The following C12orf56 variants were observed in gnomAD, a reference collection of about 807,000 sequenced individuals.
The protein encoded by C12orf56 is chromosome 12 open reading frame 56, also known as uncharacterized protein C12orf56.
In C12orf56, 71 loss-of-function variants were observed where a neutral mutation model predicts 69.9. The ratio of observed to expected loss-of-function variants is 1.02; its 90% CI spans 0.84 to 1.24. The LOEUF (loss-of-function observed/expected upper bound fraction) is 1.24. Ranked by LOEUF, C12orf56 falls within the 50% of genes most tolerant of loss-of-function variation. C12orf56 has a pLI of 0.00. For synonymous variants in C12orf56, 276 were observed against 274.1 expected (o/e 1.01, Z -0.07); for missense variants, 732 against 738.5 (o/e 0.99, Z 0.10).
rs1274710306 is a variant in C12orf56, at chr12:64,286,037, T to C, written c.1137A>G (p.Ile379Met). ...GCAAGTACTCATGAAGTTTGTTTAC[T>C]ATGAAATAGAAAAGGTCACTGGTCT... Reference protein sequence around the residue: ...FWKTSDLFYFIVNKLHEYLPE... With the variant: ...FWKTSDLFYFMVNKLHEYLPE... The change falls in exon 7 of 13, where the codon ATA (isoleucine) becomes ATG (methionine). Residue 379 changes from isoleucine to methionine, a missense_variant. Transcript: ENST00000543942. The C allele has an allele frequency of 6.2e-7, 1 of 1,606,628 alleles. No individual in the cohort carries two copies. The highest frequency in any genetic ancestry group is 1.1e-5 in the South Asian group (1 of 90,130).
At chr12:64,295,387 G>A (rs192977422) in intron 6 of C12orf56, among the ~76,000 whole-genome samples, 124 of 152,230 alleles carry the variant, frequency 8.1e-4, no homozygotes, top group African/African-American at 2.9e-3. Context: ...CTCAGCCTGT[G>A]TAATCTCACA....
intron 12 of C12orf56, 112 bp downstream of exon 12, chr12:64,270,424 G>T: frequency 1.0e-6 from 1 of 988,730 alleles, no homozygotes; most frequent in Admixed American, 3.4e-5. Flanking sequence ...AAACAAAAAA[G>T]AATTCCTGAT....
chr12:64,328,726 T>G (rs56070736), intron 3 of C12orf56, among the ~76,000 whole-genome samples: 25 of 53,804 alleles, frequency 4.6e-4, no homozygotes, highest in African/African-American at 1.5e-3. Context: ...TATATATATA[T>G]ATATATATAT....
chr12:64,308,882 C>CAGGA (rs2038553252), intron 5 of C12orf56, among the ~76,000 whole-genome samples: 2 of 50,054 alleles, frequency 4.0e-5, no homozygotes, highest in African/African-American at 9.0e-5. Flanking sequence ...AAGAAAGAAA[C>CAGGA]AGAAAGGAAG....
At chr12:64,382,931 T>C (rs1373792894) in intron 1 of C12orf56, among the ~76,000 whole-genome samples, 1 of 151,538 alleles carries the variant, frequency 6.6e-6, no homozygotes, top group Non-Finnish European at 1.5e-5. Context: ...ACCAACTCCA[T>C]CTGGCTTCTA....
intron 3 of C12orf56, among the ~76,000 whole-genome samples, chr12:64,322,101 T>C (rs1478932255): frequency 1.3e-5 from 2 of 151,864 alleles, no homozygotes; most frequent in Non-Finnish European, 2.9e-5. Context: ...AGCCTAGGCC[T>C]CCCAAAGTGC....
At chr12:64,320,154 G>A (rs1188701177) in intron 3 of C12orf56, among the ~76,000 whole-genome samples, 1 of 152,200 alleles carries the variant, frequency 6.6e-6, no homozygotes, top group Non-Finnish European at 1.5e-5. Context: ...TAGTTACTGG[G>A]TTACGCGGTT....
At chr12:64,350,814 A>G (rs1015514359) in intron 2 of C12orf56, among the ~76,000 whole-genome samples, 4 of 152,228 alleles carry the variant, frequency 2.6e-5, no homozygotes, top group African/African-American at 9.6e-5. Flanking sequence ...TCTTTGCTGC[A>G]CTTTATGCAA....
chr12:64,276,474 A>C (rs4763148), intron 9 of C12orf56, among the ~76,000 whole-genome samples: 106,756 of 152,072 alleles, frequency 0.7, 38,684 homozygotes, highest in Non-Finnish European at 0.8. Context: ...TGCCTATCTG[A>C]GTCTTGGTTC....
intron 2 of C12orf56, among the ~76,000 whole-genome samples, chr12:64,352,087 G>GTTTTTTTTTT (rs1565770096): frequency 3.8e-5 from 4 of 105,538 alleles, no homozygotes; most frequent in African/African-American, 1.4e-4. Context: ...AGGTTTTTTT[G>GTTTTTTTTTT]TTTTTGTTTT....
At chr12:64,366,028 AAT>A (rs2039470769) in intron 1 of C12orf56, among the ~76,000 whole-genome samples, 1 of 120,668 alleles carries the variant, frequency 8.3e-6, no homozygotes, top group African/African-American at 3.4e-5. Context: ...TAGCTTGTAT[AAT>A]ATATAGTTTA....
intron 1 of C12orf56, among the ~76,000 whole-genome samples, chr12:64,381,144 G>A (rs1232104657): frequency 6.6e-6 from 1 of 152,104 alleles, no homozygotes; most frequent in Non-Finnish European, 1.5e-5. Flanking sequence ...TGGGGGCAGT[G>A]AGTCAGGAGT....
At chr12:64,329,093 CT>C (rs2038892060) in intron 3 of C12orf56, among the ~76,000 whole-genome samples, 1 of 151,810 alleles carries the variant, frequency 6.6e-6, no homozygotes, top group Admixed American at 6.6e-5. Flanking sequence ...CCTTTTTCTC[CT>C]TTTTAAATTT....
chr12:64,355,046 C>A (rs1390881759), intron 1 of C12orf56, among the ~76,000 whole-genome samples: 1 of 137,942 alleles, frequency 7.2e-6, no homozygotes, highest in East Asian at 2.1e-4. Flanking sequence ...CCACTGCGCT[C>A]CAGCCTGGGG....
intron 3 of C12orf56, among the ~76,000 whole-genome samples, chr12:64,321,818 T>G (rs2038777538): frequency 6.6e-6 from 1 of 152,122 alleles, no homozygotes; most frequent in Non-Finnish European, 1.5e-5. Context: ...TTAATTTCCT[T>G]TATTATTTTC....
intron 3 of C12orf56, among the ~76,000 whole-genome samples, chr12:64,323,356 G>T (rs2038795880): frequency 6.6e-6 from 1 of 152,118 alleles, no homozygotes; most frequent in African/African-American, 2.4e-5. Context: ...ATTCGAATAT[G>T]CCAGATTAGA....
intron 1 of C12orf56, among the ~76,000 whole-genome samples, chr12:64,380,581 A>C (rs2039706897): frequency 6.6e-6 from 1 of 152,194 alleles, no homozygotes; most frequent in African/African-American, 2.4e-5. Flanking sequence ...TAAAATGCAA[A>C]TAGTGATAAC....
At chr12:64,282,252 C>T (rs2038139338) in intron 8 of C12orf56, among the ~76,000 whole-genome samples, 1 of 151,792 alleles carries the variant, frequency 6.6e-6, no homozygotes, top group Admixed American at 6.6e-5. Flanking sequence ...TGCTGTAAAG[C>T]AGAGCTCAGC....
At chr12:64,282,661 AGCTACTG>A (rs897838886) in intron 8 of C12orf56, among the ~76,000 whole-genome samples, 1 of 151,902 alleles carries the variant, frequency 6.6e-6, no homozygotes, top group African/African-American at 2.4e-5. Flanking sequence ...CTGTGGTCCC[AGCTACTG>A]GGGAGGTGAG....
Sources: gnomAD v4.1 joint callset for allele counts (sites outside exome capture counted in the v4.1 genomes callset) on GRCh38, gnomAD v4.1.1 for gene constraint, MANE v1.5 for transcripts, NCBI Gene and HGNC (gene_info 2026-07-23, HGNC 2026-07-21) for gene names.